BUB1B: variants seen among roughly 807,000 people sequenced by gnomAD.
The protein encoded by BUB1B is mitotic checkpoint serine/threonine-protein kinase BUB1 beta.
In BUB1B, 86 loss-of-function variants were observed where a neutral mutation model predicts 137.7. That is an observed-to-expected ratio of 0.62 (90% CI 0.52 to 0.75). BUB1B has a LOEUF of 0.75. Among genes scored for constraint, BUB1B ranks in the 30% least tolerant of loss-of-function variants. BUB1B has a pLI of 0.00. For missense variants in BUB1B, 1,130 were observed against 1,236.9 expected (o/e 0.91, Z 1.30); for synonymous variants, 420 against 417.9 (o/e 1.00, Z -0.06).
At position 40,218,699 on chromosome 15, in the gene BUB1B, G is replaced by C. The variant is rs996656394; in HGVS notation, c.2957+137G>C. ...CAGTAGTTTCAGCCAGTTTTCATTA[G>C]AGTATCAGCAGAGCAGCTAGTGCAG... On this transcript the variant is annotated intron_variant, in intron 22 of 22. Coordinates refer to ENST00000287598, the MANE Select transcript of BUB1B (RefSeq NM_001211.6). 2.3e-5 allele frequency: 17 copies of C among 724,364 alleles called. No individual in the cohort carries two copies. In the Admixed American group the frequency reaches 3.5e-4, roughly 15 times the overall value. 44.9% of individuals were successfully genotyped at this position (724,364 alleles called of 1,614,324 possible). A position where few individuals can be genotyped will look rare whatever the true frequency, so the allele number is the denominator to read the frequency against.
At position 40,220,668 on chromosome 15, in the gene BUB1B, G is replaced by C. The variant is rs2037889351; in HGVS notation, c.3062G>C (p.Gly1021Ala). 1 of 1,614,024 alleles carries C rather than the reference G, an allele frequency of 6.2e-7. No individual in the cohort carries two copies. The highest frequency in any genetic ancestry group is 1.3e-5 in the African/African-American group (1 of 74,914). The change falls in exon 23 of 23, where the codon GGG becomes GCG. Residue 1021 changes from glycine (G) to alanine (A), a missense_variant. Gly to Ala is a moderately conservative substitution (Grantham distance 60). Coordinates refer to ENST00000287598, the MANE Select transcript of BUB1B (RefSeq NM_001211.6). Reference sequence around the variant, plus strand: ...GGGGAGCTTGCAGCAGAAATGAATGGGGTTTTTGACACTACATTCCAAAGT... The same window carrying C: ...GGGGAGCTTGCAGCAGAAATGAATGCGGTTTTTGACACTACATTCCAAAGT... Reference protein sequence around the residue: ...VLGELAAEMNGVFDTTFQSHL... With the variant: ...VLGELAAEMNAVFDTTFQSHL...
chr15:40,163,328 C>T (rs2037060270), intron 1 of BUB1B, among the ~76,000 whole-genome samples: 2 of 152,200 alleles, frequency 1.3e-5, no homozygotes, highest in Non-Finnish European at 2.9e-5. Context: ...AATCCCAGCA[C>T]TTCGGGAGGC....
intron 2 of BUB1B, chr15:40,166,485 G>A (rs1160258962): frequency 9.8e-6 from 3 of 306,652 alleles, no homozygotes; most frequent in Non-Finnish European, 1.9e-5. Flanking sequence ...GACTACAGGT[G>A]CCTGCCACCA....
intron 8 of BUB1B, among the ~76,000 whole-genome samples, chr15:40,187,534 T>G (rs2037382903): frequency 6.6e-6 from 1 of 151,636 alleles, no homozygotes; most frequent in African/African-American, 2.4e-5. Flanking sequence ...GAAGCTACAG[T>G]AAGCTATGAT....
chr15:40,173,356 C>T (rs1444394338), intron 4 of BUB1B, among the ~76,000 whole-genome samples: 4 of 149,328 alleles, frequency 2.7e-5, no homozygotes, highest in South Asian at 4.2e-4. Flanking sequence ...CTTTTAATCC[C>T]AGGATTCTAT....
chr15:40,189,652 TG>T (rs1316144362), intron 8 of BUB1B, among the ~76,000 whole-genome samples: 1 of 152,258 alleles, frequency 6.6e-6, no homozygotes, highest in African/African-American at 2.4e-5. Context: ...TTGGCTATTA[TG>T]GATAATGCTG....
rs554473643 is a variant in BUB1B at position 40,212,821 on chromosome 15, A to G, written c.2535+173A>G. Among the ~76,000 whole-genome samples, 3 of 152,234 alleles carry G rather than the reference A, an allele frequency of 2.0e-5. No homozygotes were observed. In the South Asian group the frequency reaches 6.2e-4, roughly 32 times the overall value. ...TATTTTGACCAAAGATCTCTTTGGT[A>G]TTTTTTTAACTTTTTTTGGTCCGTT... On this transcript the variant is annotated intron_variant, in intron 19 of 22. Transcript: ENST00000287598.
At chr15:40,178,030 T>A (rs748314901) in intron 5 of BUB1B, among the ~76,000 whole-genome samples, 8 of 89,850 alleles carry the variant, frequency 8.9e-5, no homozygotes, top group Non-Finnish European at 2.2e-4. Context: ...TTTGGGTTCA[T>A]TTCATTGATT....
At chr15:40,164,249 G>A (rs906506977) in intron 1 of BUB1B, among the ~76,000 whole-genome samples, 11 of 151,522 alleles carry the variant, frequency 7.3e-5, no homozygotes, top group Non-Finnish European at 1.3e-4. Context: ...TTTTTTTTGA[G>A]ACAGGGTCTT....
intron 4 of BUB1B, among the ~76,000 whole-genome samples, chr15:40,175,592 T>C (rs967617790): frequency 6.6e-6 from 1 of 152,198 alleles, no homozygotes; most frequent in African/African-American, 2.4e-5. Context: ...AGGTTTTTAG[T>C]GATATTTTCC....
At chr15:40,215,206 A>C (rs62020049) in intron 20 of BUB1B, among the ~76,000 whole-genome samples, 6 of 152,340 alleles carry the variant, frequency 3.9e-5, no homozygotes, top group Non-Finnish European at 5.9e-5. Context: ...ACAGTGGCTC[A>C]TGCCTATAAT....
intron 2 of BUB1B, among the ~76,000 whole-genome samples, chr15:40,167,525 G>C (rs1206313164): frequency 2.6e-5 from 4 of 151,862 alleles, no homozygotes; most frequent in Non-Finnish European, 1.5e-5. Flanking sequence ...TGTATTTTTA[G>C]TAGAGATGGG....
In BUB1B at chr15:40,206,325, A is replaced by G. The variant is rs184449375; in HGVS notation, c.1876A>G (p.Met626Val). The G allele has an allele frequency of 6.2e-7, 1 of 1,614,192 alleles. No individual in the cohort carries two copies. The highest frequency in any genetic ancestry group is 2.2e-5 in the East Asian group (1 of 44,872). The change falls in exon 15 of 23, where the codon ATG becomes GTG. Residue 626 changes from methionine to valine, a missense_variant. Physicochemically the swap from Met to Val is conservative, Grantham distance 21 (BLOSUM62 1). Transcript: ENST00000287598. ...TGTATCCACTCCTTTTCATGAGATA[A>G]TGTCCTTGAAGGATCTCCCTTCTGA... ...RFVSTPFHEI[M>V]SLKDLPSDPE...
Position 40,183,874 on chromosome 15 carries a change from G to A in BUB1B, c.742G>A (p.Ala248Thr), listed in dbSNP as rs1413771160. 6.2e-7 allele frequency: 1 copy of A among 1,613,910 alleles called. No homozygotes were observed. The highest frequency in any genetic ancestry group is 1.3e-5 in the African/African-American group (1 of 74,924). ...AGCTCCAATCATCCGTGTAGGAGGT[G>A]CTCTCAAGGGTAAGTTTGTTAAACG... ...ARAPIIRVGG[A>T]LKAPSQNRGL... The change falls in exon 6 of 23, where the codon GCT becomes ACT. Residue 248 changes from alanine to threonine, a missense_variant. Transcript: ENST00000287598.
chr15:40,206,646 G>A (rs1040453156), intron 15 of BUB1B, among the ~76,000 whole-genome samples, 188 bp downstream of exon 15: 5 of 152,156 alleles, frequency 3.3e-5, no homozygotes, highest in African/African-American at 1.2e-4. Context: ...TTGGATGTGA[G>A]GGTTAAAAGT....
intron 8 of BUB1B, among the ~76,000 whole-genome samples, chr15:40,187,474 C>T (rs2037382167): frequency 6.6e-6 from 1 of 151,776 alleles, no homozygotes; most frequent in African/African-American, 2.4e-5. Flanking sequence ...GCCTGTAGTC[C>T]TAACTACTCG....
At chr15:40,176,395 G>A in intron 4 of BUB1B, 82 bp from the exon 5 acceptor site, 2 of 1,183,724 alleles carry the variant, frequency 1.7e-6, no homozygotes, top group Non-Finnish European at 2.5e-6. Flanking sequence ...ATTGCATGTA[G>A]TATCTCCAGT....
intron 5 of BUB1B, 77 bp from the exon 6 acceptor site, chr15:40,183,637 A>T: frequency 7.3e-7 from 1 of 1,375,490 alleles, no homozygotes; most frequent in South Asian, 1.2e-5. Flanking sequence ...TAATTTGTTT[A>T]CTTTAACAAA....
In BUB1B at chr15:40,176,594, T is replaced by G; in HGVS notation, c.502T>G (p.Phe168Val). 6.2e-7 allele frequency: 1 copy of G among 1,614,084 alleles called. No individual in the cohort carries two copies. Among genetic ancestry groups the G allele is most frequent in the Non-Finnish European group, 8.5e-7 (1 of 1,180,006 alleles). ...AGAAGAATATGAAGCTAGAGAAAACTTTAGGAAAGCAGATGCGATATTTCA... is the reference window on the plus strand; with the variant it reads ...AGAAGAATATGAAGCTAGAGAAAACGTTAGGAAAGCAGATGCGATATTTCA... ...WAEEYEAREN[F>V]RKADAIFQEG... is the part of the protein sequence containing the mutation. The change falls in exon 5 of 23, where the codon TTT (phenylalanine) becomes GTT (valine). Residue 168 changes from phenylalanine to valine, a missense_variant. Transcript: ENST00000287598.
Sources: gnomAD v4.1 joint callset for allele counts (sites outside exome capture counted in the v4.1 genomes callset) on GRCh38, gnomAD v4.1.1 for gene constraint, MANE v1.5 for transcripts, NCBI Gene and HGNC (gene_info 2026-07-23, HGNC 2026-07-21) for gene names.